ALK: variants seen among roughly 807,000 people sequenced by gnomAD.
ALK encodes ALK receptor tyrosine kinase.
Under a neutral mutation model 163.1 loss-of-function variants are expected in ALK, and 74 were observed. That is an observed-to-expected ratio of 0.45 (90% confidence interval 0.38 to 0.55). ALK has a LOEUF of 0.55. Ranked by LOEUF, ALK falls within the 20% of genes least tolerant of loss-of-function variation. The probability of loss-of-function intolerance (pLI) is 0.00; values close to 1 mark genes in which losing one functional copy is unlikely to be tolerated. For missense variants in ALK, 2,063 were observed against 2,105.3 expected, an observed-to-expected ratio of 0.98 and a Z score of 0.39; for synonymous variants, 960 against 843.2, an observed-to-expected ratio of 1.14 and a Z score of -2.40.
intron 1 of ALK, among the ~76,000 whole-genome samples, chr2:29,912,192 A>T (rs945047338): frequency 3.9e-5 from 6 of 152,194 alleles, no homozygotes; most frequent in Non-Finnish European, 4.4e-5. Flanking sequence ...AAAAGGAGAA[A>T]ATAATAATTG....
At chr2:29,295,201 C>T (rs939202122) in intron 9 of ALK, among the ~76,000 whole-genome samples, 1 of 152,180 alleles carries the variant, frequency 6.6e-6, no homozygotes, top group Admixed American at 6.5e-5. Context: ...CAGCCTTTAA[C>T]AGGGAAGAAG....
chr2:29,736,048 G>C (rs1029174339), intron 1 of ALK, among the ~76,000 whole-genome samples: 7 of 152,030 alleles, frequency 4.6e-5, no homozygotes, highest in African/African-American at 1.5e-4. Context: ...GCCCATGACA[G>C]CATCAGAATG....
At chr2:29,547,403 C>T (rs1260952027) in intron 3 of ALK, among the ~76,000 whole-genome samples, 2 of 152,158 alleles carry the variant, frequency 1.3e-5, no homozygotes, top group Admixed American at 6.5e-5. Context: ...TCGAGATCAG[C>T]CTGGGCAACA....
chr2:29,658,197 T>C (rs1342049895), intron 3 of ALK, among the ~76,000 whole-genome samples: 1 of 152,168 alleles, frequency 6.6e-6, no homozygotes, highest in Non-Finnish European at 1.5e-5. Flanking sequence ...TTTCTGCCTT[T>C]GTGTAGCACT....
chr2:29,377,905 G>A (rs1417520776), intron 5 of ALK, among the ~76,000 whole-genome samples: 2 of 152,190 alleles, frequency 1.3e-5, no homozygotes, highest in East Asian at 3.8e-4. Context: ...GAATGAATCA[G>A]AAGCAATGTG....
At chr2:29,773,482 T>C (rs1681084107) in intron 1 of ALK, among the ~76,000 whole-genome samples, 1 of 152,216 alleles carries the variant, frequency 6.6e-6, no homozygotes, top group African/African-American at 2.4e-5. Flanking sequence ...AAGTCTCAGG[T>C]CTGACTCGAC....
At chr2:29,274,788 G>A (rs1000558599) in intron 11 of ALK, among the ~76,000 whole-genome samples, 5 of 152,198 alleles carry the variant, frequency 3.3e-5, no homozygotes, top group Admixed American at 6.5e-5. Context: ...TCAGTAAGGC[G>A]GCAGTGAATT....
intron 1 of ALK, among the ~76,000 whole-genome samples, chr2:29,876,601 G>A (rs1335128712): frequency 2.0e-5 from 3 of 151,146 alleles, no homozygotes; most frequent in Admixed American, 2.0e-4. Flanking sequence ...AATGGTAATG[G>A]TGATGGCAAT....
intron 1 of ALK, among the ~76,000 whole-genome samples, chr2:29,725,621 T>C (rs866942501): frequency 1.5e-4 from 23 of 152,308 alleles, no homozygotes; most frequent in Middle Eastern, 6.8e-3. Flanking sequence ...AGGTCTGTTG[T>C]TTATGTTGAT....
intron 13 of ALK, among the ~76,000 whole-genome samples, chr2:29,236,289 T>G (rs1444007578): frequency 2.6e-5 from 4 of 152,124 alleles, no homozygotes; most frequent in Non-Finnish European, 4.4e-5. Flanking sequence ...CCCGTCGGCC[T>G]CTGCTCCATC....
At chr2:29,835,323 T>G (rs145809538) in intron 1 of ALK, among the ~76,000 whole-genome samples, 1 of 152,292 alleles carries the variant, frequency 6.6e-6, no homozygotes, top group East Asian at 1.9e-4. Flanking sequence ...GGGAAAGGTA[T>G]TTCCATCTGA....
At chr2:29,287,895 G>A (rs555456309) in intron 9 of ALK, among the ~76,000 whole-genome samples, 137 of 152,158 alleles carry the variant, frequency 9.0e-4, no homozygotes, top group African/African-American at 3.0e-3. Flanking sequence ...AATTTCACAC[G>A]AGCAGGAAAT....
At chr2:29,608,463 A>G (rs1243475092) in intron 3 of ALK, among the ~76,000 whole-genome samples, 1 of 152,190 alleles carries the variant, frequency 6.6e-6, no homozygotes, top group East Asian at 1.9e-4. Flanking sequence ...TGATGGATCT[A>G]AGATTGTGTC....
chr2:29,601,196 G>A (rs1348171642), intron 3 of ALK, among the ~76,000 whole-genome samples: 2 of 152,170 alleles, frequency 1.3e-5, no homozygotes, highest in African/African-American at 4.8e-5. Flanking sequence ...AGGGAGTGAA[G>A]GGGCAAGAGA....
chr2:29,558,703 A>ATATTTTC (rs1225038330), intron 3 of ALK, among the ~76,000 whole-genome samples: 7 of 152,070 alleles, frequency 4.6e-5, no homozygotes, highest in African/African-American at 1.7e-4. Flanking sequence ...TTTGGGTGCA[A>ATATTTTC]TATTTTCTAA....
intron 4 of ALK, among the ~76,000 whole-genome samples, chr2:29,521,959 A>C (rs1435814452): frequency 6.6e-6 from 1 of 152,232 alleles, no homozygotes; most frequent in African/African-American, 2.4e-5. Flanking sequence ...TCTCTAAAAC[A>C]GGCCTCTTCT....
chr2:29,578,006 G>C (rs1195688213), intron 3 of ALK, among the ~76,000 whole-genome samples: 1 of 151,440 alleles, frequency 6.6e-6, no homozygotes, highest in Non-Finnish European at 1.5e-5. Flanking sequence ...AGGAAGAAGA[G>C]TGAATCTTGA....
intron 4 of ALK, among the ~76,000 whole-genome samples, chr2:29,418,259 CTGA>C (rs1669928353): frequency 6.6e-6 from 1 of 152,186 alleles, no homozygotes; most frequent in Non-Finnish European, 1.5e-5. Context: ...GGTGTAACTC[CTGA>C]TGTTTTCCAA....
rs772753500 is a variant in ALK, at chr2:29,920,191, G to GC, written c.468dup (p.Pro157AlafsTer69). On this transcript the variant is annotated frameshift_variant, in exon 1 of 29. Transcript: ENST00000389048. LOFTEE classifies it high-confidence loss of function. ...AGCCCCACAGCCGCCTCCCCGGGGGGCCCGACGCAACCCTCCAAGATCGCC... is the reference window on the plus strand; with the variant it reads ...AGCCCCACAGCCGCCTCCCCGGGGGGCCCCGACGCAACCCTCCAAGATCGCC... The GC allele has an allele frequency of 3.1e-6, 5 of 1,612,900 alleles. No homozygotes were observed.
Sources: allele counts gnomAD v4.1 joint callset (sites outside exome capture counted in the v4.1 genomes callset), GRCh38; gene constraint gnomAD v4.1.1; transcripts MANE v1.5; gene names NCBI Gene and HGNC (gene_info 2026-07-23, HGNC 2026-07-21).